Variants in BCAS1 observed in about 807,000 individuals in gnomAD.
BCAS1 encodes the protein breast carcinoma-amplified sequence 1.
BCAS1 carries 46 observed loss-of-function variants against 65.4 expected under a neutral mutation model. The observed-to-expected ratio is 0.70, with a 90% CI of 0.55 to 0.90. The LOEUF (loss-of-function observed/expected upper bound fraction) is 0.90. BCAS1 is among the 40% of genes least tolerant of loss of function. BCAS1 has a pLI of 0.00. For synonymous variants in BCAS1, 298 were observed against 293.5 expected (o/e 1.02, Z -0.16); for missense variants, 793 against 771.2 (o/e 1.03, Z -0.33).
chr20:53,956,901 G>A (rs1388412132), intron 11 of BCAS1, among the ~76,000 whole-genome samples: 1 of 152,128 alleles, frequency 6.6e-6, no homozygotes, highest in Non-Finnish European at 1.5e-5. Context: ...AGAAAATAAT[G>A]AAAGCAAACT....
At chr20:54,015,990 C>T (rs76755615) in intron 4 of BCAS1, among the ~76,000 whole-genome samples, 6,809 of 152,262 alleles carry the variant, frequency 0.045, 490 homozygotes, top group African/African-American at 0.16. Flanking sequence ...CTGCTGTCAA[C>T]AATTTGCAAT....
chr20:53,991,885 T>C (rs145109739), intron 7 of BCAS1, among the ~76,000 whole-genome samples: 250 of 151,166 alleles, frequency 1.7e-3, no homozygotes, highest in African/African-American at 5.7e-3. Context: ...ATTCAAATAG[T>C]GAAACCACTT....
chr20:54,028,615 G>T lies in BCAS1; in HGVS notation c.500C>A (p.Ala167Asp). The change falls in exon 4 of 13, where the codon GCC (alanine) becomes GAC (aspartate). Residue 167 changes from alanine (A) to aspartate (D), a missense_variant. Physicochemically the swap from Ala to Asp is moderately radical, Grantham distance 126. Transcript: ENST00000688948. ...APAQDKVLSAARDPTLLPPET... is the reference protein window; with the variant it reads ...APAQDKVLSADRDPTLLPPET... ...AGGTGGGAGAAGCGTGGGATCCCTG[G>T]CGGCAGAGAGGACCTTGTCTTGGGC... 1.2e-6 allele frequency: 2 copies of T among 1,614,176 alleles called. No homozygotes were observed. Among genetic ancestry groups the T allele is most frequent in the Non-Finnish European group, 1.7e-6 (2 of 1,180,022 alleles).
chr20:54,040,347 C>T (rs546127189), intron 3 of BCAS1, among the ~76,000 whole-genome samples: 6 of 151,328 alleles, frequency 4.0e-5, no homozygotes, highest in African/African-American at 1.4e-4. Flanking sequence ...GGGAGGTGGC[C>T]TATTATTCTA....
intron 3 of BCAS1, among the ~76,000 whole-genome samples, chr20:54,029,412 T>C (rs1181790316): frequency 6.6e-6 from 1 of 152,160 alleles, no homozygotes; most frequent in Non-Finnish European, 1.5e-5. Context: ...GGGAGGCTCA[T>C]CCCGTGCCTC....
chr20:54,042,309 G>C (rs1357076031), intron 3 of BCAS1, among the ~76,000 whole-genome samples: 2 of 151,826 alleles, frequency 1.3e-5, no homozygotes, highest in Non-Finnish European at 2.9e-5. Context: ...TTAGTACCCG[G>C]GTGAAAAAAT....
chr20:53,990,852 A>C (rs1447253329), intron 7 of BCAS1, among the ~76,000 whole-genome samples: 1 of 152,228 alleles, frequency 6.6e-6, no homozygotes, highest in Non-Finnish European at 1.5e-5. Flanking sequence ...ATGCCACTCA[A>C]GGCAAAACCC....
intron 1 of BCAS1, among the ~76,000 whole-genome samples, chr20:54,066,103 G>T (rs537661591): frequency 4.7e-5 from 7 of 149,128 alleles, no homozygotes; most frequent in East Asian, 3.9e-4. Context: ...GGCGAAGTCT[G>T]GCTCTGTCGC....
rs190157217 is a variant in BCAS1 at position 53,969,079 on chromosome 20, T to C, written c.1318-2006A>G. Among the ~76,000 whole-genome samples the C allele has an allele frequency of 1.7e-4, 26 of 152,278 alleles. No homozygotes were observed. In the East Asian group the frequency reaches 4.8e-3, roughly 28 times the overall value. On this transcript the variant is annotated intron_variant, in intron 9 of 12. Coordinates refer to ENST00000688948, the MANE Select transcript of BCAS1 (RefSeq NM_001366298.2). ...ATATAGGCAATCTAACTCGTGGTCA[T>C]AGAGGACAAGCTCCAGAACAACTTG...
intron 7 of BCAS1, 21 bp downstream of exon 7, chr20:53,992,491 C>T (rs1445557490): frequency 7.3e-7 from 1 of 1,363,978 alleles, no homozygotes; most frequent in Admixed American, 1.9e-5. Flanking sequence ...GTTTTTCCTC[C>T]TACTTTAATA....
chr20:54,060,478 A>ATTTTTTT (rs11478662), intron 1 of BCAS1, among the ~76,000 whole-genome samples: 1 of 137,712 alleles, frequency 7.3e-6, no homozygotes, highest in African/African-American at 2.7e-5. Context: ...ACACCAGACT[A>ATTTTTTT]TTTTTTTTTT....
chr20:53,951,671 G>A (rs1421679518), intron 12 of BCAS1, among the ~76,000 whole-genome samples: 1 of 152,162 alleles, frequency 6.6e-6, no homozygotes, highest in Non-Finnish European at 1.5e-5. Context: ...TGGGTGATTC[G>A]TGTGCACAGT....
chr20:54,052,878 G>A (rs766159431), intron 3 of BCAS1, among the ~76,000 whole-genome samples: 2 of 152,150 alleles, frequency 1.3e-5, no homozygotes, highest in African/African-American at 2.4e-5. Context: ...ACCATTGTAC[G>A]GATATACCCT....
chr20:54,032,990 G>T (rs752235419), intron 3 of BCAS1, among the ~76,000 whole-genome samples: 1 of 150,784 alleles, frequency 6.6e-6, no homozygotes, highest in Non-Finnish European at 1.5e-5. Flanking sequence ...ATATCTACAG[G>T]ACTGTCCTAC....
intron 4 of BCAS1, among the ~76,000 whole-genome samples, chr20:54,001,302 G>A (rs1333789965): frequency 6.6e-6 from 1 of 152,138 alleles, no homozygotes; most frequent in Non-Finnish European, 1.5e-5. Flanking sequence ...AACTTCGGGA[G>A]GAATTTAGTT....
At chr20:54,037,097 C>T (rs1327458581) in intron 3 of BCAS1, among the ~76,000 whole-genome samples, 1 of 150,924 alleles carries the variant, frequency 6.6e-6, no homozygotes, top group East Asian at 1.9e-4. Flanking sequence ...CTTGCTACAG[C>T]TGTGTATTAG....
At chr20:53,994,615 C>A (rs2145839275) in intron 6 of BCAS1, among the ~76,000 whole-genome samples, 1 of 152,284 alleles carries the variant, frequency 6.6e-6, no homozygotes, top group African/African-American at 2.4e-5. Context: ...CCACGTCCTA[C>A]TGAAAAGCTT....
chr20:53,964,006 C>T (rs972307022), intron 10 of BCAS1, among the ~76,000 whole-genome samples: 1 of 152,176 alleles, frequency 6.6e-6, no homozygotes, highest in Non-Finnish European at 1.5e-5. Context: ...TATTCTCCGC[C>T]GGGGGAGACT....
intron 4 of BCAS1, among the ~76,000 whole-genome samples, chr20:53,999,366 A>G (rs1472647962): frequency 6.6e-6 from 1 of 152,222 alleles, no homozygotes; most frequent in Non-Finnish European, 1.5e-5. Context: ...AGATTGTGCA[A>G]GGCAAATTAC....
Sources: allele counts gnomAD v4.1 joint callset (sites outside exome capture counted in the v4.1 genomes callset), GRCh38; gene constraint gnomAD v4.1.1; transcripts MANE v1.5; gene names NCBI Gene and HGNC (gene_info 2026-07-23, HGNC 2026-07-21).